ZDHHC11B: variants seen among roughly 807,000 people sequenced by gnomAD.
ZDHHC11B encodes probable palmitoyltransferase ZDHHC11B.
A neutral mutation model predicts 42.3 loss-of-function variants in ZDHHC11B; 17 were observed. That is an observed-to-expected ratio of 0.40 (90% CI 0.27 to 0.60). The LOEUF (loss-of-function observed/expected upper bound fraction) is 0.60, where lower values mean the gene tolerates loss of function less well. ZDHHC11B is among the 20% of genes least tolerant of loss of function. ZDHHC11B has a pLI of 0.41. For synonymous variants in ZDHHC11B, 123 were observed against 193.5 expected, an observed-to-expected ratio of 0.64 and a Z score of 3.02; for missense variants, 262 against 463.2, an observed-to-expected ratio of 0.57 and a Z score of 3.99.
At position 777,490 on chromosome 5, in the gene ZDHHC11B, A is replaced by G. The variant is rs1408768101; in HGVS notation, c.-230+7178T>C. Among the ~76,000 whole-genome samples, 4 of 151,834 alleles carry G rather than the reference A, an allele frequency of 2.6e-5. No individual in the cohort carries two copies. In the East Asian group the frequency reaches 5.8e-4, roughly 22 times the overall value. ...GCGCGCACCCAGACTGAGCGGCAAG[A>G]TTTATTGCTAAGAGCAAAAGAACAA... On this transcript the variant is annotated intron_variant, in intron 1 of 13. Transcript: ENST00000508859.
chr5:759,262 C>T (rs770487358), intron 4 of ZDHHC11B, among the ~76,000 whole-genome samples: 4 of 151,860 alleles, frequency 2.6e-5, no homozygotes, highest in African/African-American at 7.3e-5. Flanking sequence ...ACACACCCTG[C>T]GCCCTTTGTT....
chr5:723,210 C>T (rs2126974334), intron 12 of ZDHHC11B, among the ~76,000 whole-genome samples: 1 of 147,904 alleles, frequency 6.8e-6, no homozygotes, highest in East Asian at 2.0e-4. Flanking sequence ...TGAATCTGTT[C>T]CCACCCAGGA....
At chr5:751,046 G>A in intron 7 of ZDHHC11B, 87 bp downstream of exon 7, 1 of 828,972 alleles carries the variant, frequency 1.2e-6, no homozygotes. Flanking sequence ...TGGGACAAGA[G>A]GGGCCGACCA....
intron 4 of ZDHHC11B, among the ~76,000 whole-genome samples, chr5:766,235 C>A (rs1363509376): frequency 6.6e-6 from 1 of 151,868 alleles, no homozygotes; most frequent in Admixed American, 6.6e-5. Context: ...TGCAGGTCCC[C>A]TACCCACTGG....
chr5:761,781 C>T (rs1359114206), intron 4 of ZDHHC11B, among the ~76,000 whole-genome samples: 5 of 147,640 alleles, frequency 3.4e-5, no homozygotes, highest in Non-Finnish European at 7.5e-5. Flanking sequence ...CCCTAAATCC[C>T]TTAGGATTGG....
At chr5:754,093 A>G (rs1460741752) in intron 6 of ZDHHC11B, among the ~76,000 whole-genome samples, 1 of 130,400 alleles carries the variant, frequency 7.7e-6, no homozygotes, top group African/African-American at 2.5e-5. Context: ...CACCGTGCTC[A>G]GGGGAAACAC....
chr5:736,099 TA>T (rs1255094915), intron 10 of ZDHHC11B, among the ~76,000 whole-genome samples: 2 of 149,158 alleles, frequency 1.3e-5, no homozygotes, highest in East Asian at 4.1e-4. Flanking sequence ...AGGACTGAAA[TA>T]AACTTAAGGT....
At chr5:766,493 G>GTCAGGACAC (rs1735394881) in intron 4 of ZDHHC11B, among the ~76,000 whole-genome samples, 2 of 151,840 alleles carry the variant, frequency 1.3e-5, no homozygotes, top group African/African-American at 4.8e-5. Context: ...CTGATGTGGG[G>GTCAGGACAC]TCAGCAGCTG....
intron 4 of ZDHHC11B, among the ~76,000 whole-genome samples, chr5:757,765 A>G (rs1215638642): frequency 2.0e-5 from 3 of 151,890 alleles, no homozygotes; most frequent in South Asian, 2.1e-4. Flanking sequence ...TGCAAGGAGG[A>G]CAGGCGAGAA....
intron 4 of ZDHHC11B, among the ~76,000 whole-genome samples, chr5:766,372 C>T: frequency 6.6e-6 from 1 of 151,890 alleles, no homozygotes; most frequent in South Asian, 2.1e-4. Context: ...GACGGCCTGA[C>T]ATGGGGTCAG....
intron 13 of ZDHHC11B, among the ~76,000 whole-genome samples, chr5:712,678 G>A (rs1741457074): frequency 6.6e-6 from 1 of 150,982 alleles, no homozygotes; most frequent in African/African-American, 2.4e-5. Context: ...GGGAGTCCGA[G>A]GCGGGTGGAT....
Position 757,829 on chromosome 5 carries a change from T to C in ZDHHC11B, c.223-1685A>G, listed in dbSNP as rs535930790. On this transcript the variant is annotated intron_variant, in intron 4 of 13. Transcript: ENST00000508859. ...GGGAGCTGCTGCCCAGGCCGGGGTG[T>C]GGTGGGAGCTAGGCAGTGCAGCAAC... Among the ~76,000 whole-genome samples, 101 of 151,736 alleles carry C rather than the reference T, an allele frequency of 6.7e-4. 2 individuals carry two copies. Among genetic ancestry groups the C allele is most frequent in the African/African-American group, 2.2e-3 (93 of 41,372 alleles).
At chr5:763,439 GA>G (rs1734886884) in intron 4 of ZDHHC11B, among the ~76,000 whole-genome samples, 1 of 151,522 alleles carries the variant, frequency 6.6e-6, no homozygotes. Flanking sequence ...AGAAAACAGA[GA>G]AACAGAATAG....
At chr5:777,884 G>A (rs1438573192) in intron 1 of ZDHHC11B, among the ~76,000 whole-genome samples, 1 of 151,482 alleles carries the variant, frequency 6.6e-6, no homozygotes, top group Non-Finnish European at 1.5e-5. Context: ...CCTTCCGGGA[G>A]GCCCCAGCAC....
Position 756,445 on chromosome 5 carries a change from C to T in ZDHHC11B, c.223-301G>A, listed in dbSNP as rs146048998. Among the ~76,000 whole-genome samples the T allele has an allele frequency of 2.6e-3, 390 of 151,840 alleles. 12 individuals are homozygous for T. The East Asian group carries it at 0.059, about 23-fold the overall frequency. On this transcript the variant is annotated intron_variant, in intron 4 of 13. Coordinates refer to ENST00000508859, the MANE Select transcript of ZDHHC11B (RefSeq NM_001351303.2). Reference sequence around the variant, plus strand: ...GCCTAGAGAAGATGAGGCTACCCATCGGCCCTGCACACACAGCCCTGTGCC... The same window carrying T: ...GCCTAGAGAAGATGAGGCTACCCATTGGCCCTGCACACACAGCCCTGTGCC...
At chr5:733,882 T>TG (rs751268841) in intron 10 of ZDHHC11B, 43 bp from the exon 11 acceptor site, 18 of 1,549,704 alleles carry the variant, frequency 1.2e-5, no homozygotes, top group African/African-American at 4.3e-5. Flanking sequence ...CTCAGCTTTG[T>TG]GGGGGGGCTC....
intron 4 of ZDHHC11B, among the ~76,000 whole-genome samples, chr5:756,463 C>A (rs1733859679): frequency 6.6e-6 from 1 of 151,844 alleles, no homozygotes; most frequent in African/African-American, 2.4e-5. Context: ...CACACACAGC[C>A]CTGTGCCAGT....
At chr5:761,764 A>G (rs1426396846) in intron 4 of ZDHHC11B, among the ~76,000 whole-genome samples, 4 of 151,872 alleles carry the variant, frequency 2.6e-5, no homozygotes, top group Non-Finnish European at 5.9e-5. Flanking sequence ...GGAAGTGAGC[A>G]CTGCTTCCCT....
intron 7 of ZDHHC11B, among the ~76,000 whole-genome samples, chr5:748,931 C>T (rs1745219298): frequency 9.2e-6 from 1 of 108,318 alleles, no homozygotes; most frequent in Non-Finnish European, 2.0e-5. Context: ...CCACCCCTTC[C>T]TCACTAAGTG....
Sources: gnomAD v4.1 joint callset for allele counts (sites outside exome capture counted in the v4.1 genomes callset) on GRCh38, gnomAD v4.1.1 for gene constraint, MANE v1.5 for transcripts, NCBI Gene and HGNC (gene_info 2026-07-23, HGNC 2026-07-21) for gene names.